The following COL4A2 variants were observed in gnomAD, a reference collection of about 807,000 sequenced individuals.
COL4A2 encodes the protein collagen alpha-2(IV) chain.
COL4A2 carries 99 observed loss-of-function variants against 200.2 expected under a neutral mutation model. The ratio of observed to expected loss-of-function variants is 0.49; its 90% CI spans 0.42 to 0.58. COL4A2 has a LOEUF of 0.58. COL4A2 is among the 20% of genes least tolerant of loss of function. The pLI is 0.00. For missense variants in COL4A2, 1,950 were observed against 2,314.1 expected (o/e 0.84, Z 3.23); for synonymous variants, 897 against 900.6 (o/e 1.00, Z 0.07).
chr13:110,419,950 T>C (rs1880184416), intron 4 of COL4A2, among the ~76,000 whole-genome samples: 1 of 152,230 alleles, frequency 6.6e-6, no homozygotes, highest in South Asian at 2.1e-4. Context: ...TTTTTCTTAT[T>C]GAAAGTCACC....
chr13:110,428,601 G>T lies in COL4A2; in HGVS notation c.477+18G>T, dbSNP rs370059739. On this transcript the variant is annotated intron_variant, in intron 7 of 47. Coordinates refer to ENST00000360467, the MANE Select transcript of COL4A2 (RefSeq NM_001846.4). The stretch of plus-strand genomic sequence containing the variant: ...GGCCTCCCGTGAGTATCCCCACAGC[G>T]CCTGTGCTCCAGGGACGGGCAGACC... 7.0e-7 allele frequency: 1 copy of T among 1,423,000 alleles called. No individual in the cohort carries two copies. The highest frequency in any genetic ancestry group is 9.4e-7 in the Non-Finnish European group (1 of 1,059,748). 88.1% of individuals were successfully genotyped at this position (1,423,000 alleles called of 1,614,324 possible). A position where few individuals can be genotyped will look rare whatever the true frequency, so the allele number is the denominator to read the frequency against.
chr13:110,416,661 T>C (rs1187671658), intron 4 of COL4A2, among the ~76,000 whole-genome samples: 1 of 152,210 alleles, frequency 6.6e-6, no homozygotes, highest in African/African-American at 2.4e-5. Context: ...ATCCACTTTT[T>C]CTCTGCTTTA....
At chr13:110,431,744 C>T (rs2139460174) in intron 10 of COL4A2, among the ~76,000 whole-genome samples, 1 of 152,308 alleles carries the variant, frequency 6.6e-6, no homozygotes, top group East Asian at 1.9e-4. Flanking sequence ...CATCCACAAC[C>T]CCCTCCCTAT....
chr13:110,340,991 A>G (rs1876423878), intron 3 of COL4A2: 1 of 152,120 alleles, frequency 6.6e-6, no homozygotes, highest in Non-Finnish European at 1.5e-5. Context: ...GAGCGTCGTC[A>G]GTGTTTGACT....
intron 29 of COL4A2, chr13:110,473,568 A>C (rs936214955): frequency 5.4e-5 from 9 of 167,674 alleles, no homozygotes; most frequent in South Asian, 1.9e-4. Context: ...CTATTGGTGT[A>C]AAAATTAATA....
At chr13:110,409,640 C>G (rs1879753998) in intron 4 of COL4A2, among the ~76,000 whole-genome samples, 1 of 152,216 alleles carries the variant, frequency 6.6e-6, no homozygotes, top group African/African-American at 2.4e-5. Flanking sequence ...GAACAGGGCG[C>G]CAGCTGAGTC....
intron 21 of COL4A2, chr13:110,457,987 C>G (rs1189371269): frequency 5.0e-6 from 2 of 399,860 alleles, no homozygotes; most frequent in African/African-American, 4.2e-5. Context: ...GCCCCTAGCT[C>G]GAGGCCGTCC....
chr13:110,493,248 C>T lies in COL4A2; in HGVS notation c.3600C>T (p.Gly1200=). ...PGLRGIRGLH[G]LPGTKGFPGS... is the part of the protein sequence containing the mutation. The stretch of plus-strand genomic sequence containing the variant: ...TCCGTGGGATCCGCGGCTTACACGG[C>T]TTGCCAGGCACCAAGGGCTTTCCAG... Residue 1200 remains glycine, a synonymous_variant, in exon 39 of 48, where the codon GGC becomes GGT. Coordinates refer to ENST00000360467, the MANE Select transcript of COL4A2 (RefSeq NM_001846.4). 1 of 1,614,194 alleles carries T rather than the reference C, an allele frequency of 6.2e-7. No individual in the cohort carries two copies. The highest frequency in any genetic ancestry group is 8.5e-7 in the Non-Finnish European group (1 of 1,180,046).
chr13:110,310,692 A>G (rs115454213), intron 3 of COL4A2, among the ~76,000 whole-genome samples: 2,356 of 151,474 alleles, frequency 0.016, 40 homozygotes, highest in African/African-American at 0.049. Flanking sequence ...TGCGTAGGTC[A>G]GTTCAGGAAA....
intron 4 of COL4A2, among the ~76,000 whole-genome samples, chr13:110,415,295 AT>A: frequency 6.6e-6 from 1 of 152,224 alleles, no homozygotes; most frequent in East Asian, 1.9e-4. Context: ...AAAAGATAAA[AT>A]TTTTTTAAAG....
chr13:110,449,510 G>A (rs1218096651), intron 18 of COL4A2, among the ~76,000 whole-genome samples, 169 bp from the exon 19 acceptor site: 1 of 152,182 alleles, frequency 6.6e-6, no homozygotes, highest in African/African-American at 2.4e-5. Flanking sequence ...TGGAGAATGA[G>A]CCCCTTAAAA....
chr13:110,337,016 G>A (rs1276419406), intron 3 of COL4A2, among the ~76,000 whole-genome samples: 1 of 152,200 alleles, frequency 6.6e-6, no homozygotes, highest in Non-Finnish European at 1.5e-5. Context: ...TACTGCACTG[G>A]TTAGCAATGC....
intron 4 of COL4A2, among the ~76,000 whole-genome samples, chr13:110,361,910 A>G (rs1877530945): frequency 6.6e-6 from 1 of 152,224 alleles, no homozygotes. Context: ...TTCACGTACG[A>G]GCACACTGAC....
Position 110,334,361 on chromosome 13 carries a change from G to T in COL4A2, c.100-23111G>T, listed in dbSNP as rs557234754. On this transcript the variant is annotated intron_variant, in intron 3 of 47. Transcript: ENST00000360467. ...GAGCACCACCACCATCTGCATGTTG[G>T]AAGTGCCTGCACGATGCCCTAAGGA... 3.9e-5 allele frequency among the ~76,000 whole-genome samples: 6 copies of T among 152,340 alleles called. No homozygotes were observed. The East Asian group carries it at 1.2e-3, about 29-fold the overall frequency.
At chr13:110,476,821 G>A (rs79361826) in intron 29 of COL4A2, among the ~76,000 whole-genome samples, 9,801 of 152,248 alleles carry the variant, frequency 0.064, 431 homozygotes, top group Non-Finnish European at 0.1. Flanking sequence ...TGACCACTGG[G>A]CAGGACAGGA....
chr13:110,349,811 T>A (rs1373193631), intron 3 of COL4A2, among the ~76,000 whole-genome samples: 2 of 152,154 alleles, frequency 1.3e-5, no homozygotes, highest in Non-Finnish European at 2.9e-5. Flanking sequence ...TCACCCAGGC[T>A]GGAGTGCAGT....
chr13:110,423,333 A>T (rs962131136), intron 4 of COL4A2, among the ~76,000 whole-genome samples: 3 of 152,034 alleles, frequency 2.0e-5, no homozygotes, highest in African/African-American at 7.2e-5. Flanking sequence ...ACATTTTAAA[A>T]TTTTTCTTGT....
At chr13:110,324,348 G>A (rs544035083) in intron 3 of COL4A2, among the ~76,000 whole-genome samples, 184 of 152,298 alleles carry the variant, frequency 1.2e-3, no homozygotes, top group Non-Finnish European at 2.1e-3. Context: ...ACTGGTGGGC[G>A]ATAACTGGAC....
chr13:110,480,383 G>T lies in COL4A2; in HGVS notation c.2751G>T (p.Gly917=). The T allele has an allele frequency of 1.9e-6, 3 of 1,611,068 alleles. No homozygotes were observed. The highest frequency in any genetic ancestry group is 2.5e-6 in the Non-Finnish European group (3 of 1,178,702). ...TTGATGGAATGCCTGGGACCCCCGG[G>T]CTAAAAGGTAATTGTGTGACTGTGA... is the stretch of plus-strand genomic sequence containing the variant. The part of the protein sequence containing the change: ...KGIDGMPGTP[G]LKGDRGSPGM... Residue 917 remains glycine, a synonymous_variant, in exon 31 of 48, where the codon GGG becomes GGT. Coordinates refer to ENST00000360467, the MANE Select transcript of COL4A2 (RefSeq NM_001846.4).
Sources: gnomAD v4.1 joint callset for allele counts (sites outside exome capture counted in the v4.1 genomes callset) on GRCh38, gnomAD v4.1.1 for gene constraint, MANE v1.5 for transcripts, NCBI Gene and HGNC (gene_info 2026-07-23, HGNC 2026-07-21) for gene names.